TELO2: variants seen among roughly 807,000 people sequenced by gnomAD.
TELO2 encodes telomere maintenance 2.
TELO2 carries 71 observed loss-of-function variants against 91.0 expected under a neutral mutation model. The ratio of observed to expected loss-of-function variants is 0.78; its 90% CI spans 0.64 to 0.95. The LOEUF is 0.95. Among genes scored for constraint, TELO2 ranks in the 40% least tolerant of loss-of-function variants. The probability of loss-of-function intolerance (pLI) is 0.00; values close to 1 mark genes in which losing one functional copy is unlikely to be tolerated. For missense variants in TELO2, 1,183 were observed against 1,141.3 expected (o/e 1.04, Z -0.53); for synonymous variants, 584 against 518.9 (o/e 1.13, Z -1.71).
In TELO2 at chr16:1,507,608, C is replaced by G; in HGVS notation, c.2299C>G (p.Arg767Gly). Residue 767 changes from arginine to glycine, a missense_variant, in exon 20 of 21, where the codon CGC becomes GGC. By Grantham distance (125) the Arg-to-Gly change is moderately radical. Transcript: ENST00000262319. ...ALRFHIDAYVRQGLLSAVSSV... is the reference protein window; with the variant it reads ...ALRFHIDAYVGQGLLSAVSSV... ...CCGCCTTCTTGCCGGCAGCTACGTGCGCCAGGGGCTGTTGTCGGCCGTCTC... is the reference window on the plus strand; with the variant it reads ...CCGCCTTCTTGCCGGCAGCTACGTGGGCCAGGGGCTGTTGTCGGCCGTCTC... 6.3e-7 allele frequency: 1 copy of G among 1,589,858 alleles called. No homozygotes were observed. Among genetic ancestry groups the G allele is most frequent in the Non-Finnish European group, 8.5e-7 (1 of 1,175,360 alleles).
Position 1,509,907 on chromosome 16 carries a change from A to G in TELO2, c.2485A>G (p.Asn829Asp), listed in dbSNP as rs754114044. The stretch of plus-strand genomic sequence containing the variant: ...CCTGCTGCTTCTGCAGAGACTCAAG[A>G]ACAGGCTCCTCCCACCCGCGTCTCC... The part of the protein sequence containing the change: ...RALLLLQRLK[N>D]RLLPPASP The change falls in exon 21 of 21, where the codon AAC becomes GAC. Residue 829 changes from asparagine (N) to aspartate (D), a missense_variant. Coordinates refer to ENST00000262319, the MANE Select transcript of TELO2 (RefSeq NM_016111.4). 1 of 1,608,758 alleles carries G rather than the reference A, an allele frequency of 6.2e-7. No homozygotes were observed. The highest frequency in any genetic ancestry group is 1.1e-5 in the South Asian group (1 of 89,994).
intron 13 of TELO2, 42 bp from the exon 14 acceptor site, chr16:1,502,603 G>C: frequency 1.3e-6 from 2 of 1,594,198 alleles, no homozygotes; most frequent in South Asian, 1.1e-5. Flanking sequence ...TCGGCGGGCA[G>C]CTGGGTCCGA....
Position 1,497,017 on chromosome 16 carries a change from G to T in TELO2, c.614-19G>T, listed in dbSNP as rs770523912. ...GCCTTCCCGCCGGCTTCCTCATCAG[G>T]CCTCCCTTTCTGTCCCAGGTGGCCT... On this transcript the variant is annotated intron_variant, in intron 3 of 20. Coordinates refer to ENST00000262319, the MANE Select transcript of TELO2 (RefSeq NM_016111.4). This position sits in a 1 kb window ranked among gnomAD's most constrained non-coding sequence, Gnocchi z 4.0. The T allele has an allele frequency of 6.2e-7, 1 of 1,613,142 alleles. No individual in the cohort carries two copies. The highest frequency in any genetic ancestry group is 2.2e-5 in the East Asian group (1 of 44,868).
In TELO2 at chr16:1,497,546, T is replaced by C. The variant is rs1349026589; in HGVS notation, c.830+38T>C. ...GCTGTCCTCCAGCTGCACTGGCTTC[T>C]GGGGTCTGGACCCCCAGAGGCTGCC... On this transcript the variant is annotated intron_variant, in intron 5 of 20. Coordinates refer to ENST00000262319, the MANE Select transcript of TELO2 (RefSeq NM_016111.4). The surrounding 1 kb of genome is among the most constrained non-coding windows in gnomAD (Gnocchi z 4.0). 3 of 1,523,374 alleles carry C rather than the reference T, an allele frequency of 2.0e-6. No homozygotes were observed. The highest frequency in any genetic ancestry group is 2.6e-6 in the Non-Finnish European group (3 of 1,136,534). 94.4% of individuals were successfully genotyped at this position (1,523,374 alleles called of 1,614,324 possible). A position where few individuals can be genotyped will look rare whatever the true frequency, so the allele number is the denominator to read the frequency against.
rs1567296707 is a variant in TELO2 at position 1,499,341 on chromosome 16, CG to C, written c.933+9del. 6.9e-6 allele frequency: 11 copies of C among 1,593,254 alleles called. No homozygotes were observed. The highest frequency in any genetic ancestry group is 1.7e-5 in the Admixed American group (1 of 58,520). The stretch of plus-strand genomic sequence containing the variant: ...TTACAGTCCCGGCTCACGGTGAGGA[CG>C]CCACGGAGGGTGCAGGCTGCTGGCT... On this transcript the variant is annotated intron_variant, in intron 6 of 20. Coordinates refer to ENST00000262319, the MANE Select transcript of TELO2 (RefSeq NM_016111.4).
intron 3 of TELO2, among the ~76,000 whole-genome samples, chr16:1,496,559 C>A (rs1174037396): frequency 6.6e-6 from 1 of 152,218 alleles, no homozygotes; most frequent in East Asian, 1.9e-4. Context: ...CTGTGCTTTC[C>A]GCTGCCCCGC....
At chr16:1,498,360 G>A (rs935410639) in intron 5 of TELO2, among the ~76,000 whole-genome samples, 1 of 152,118 alleles carries the variant, frequency 6.6e-6, no homozygotes, top group African/African-American at 2.4e-5. Context: ...TGTGTTTAAG[G>A]CATTTGTATT....
At chr16:1,496,505 A>G (rs1025378089) in intron 3 of TELO2, among the ~76,000 whole-genome samples, 7 of 152,262 alleles carry the variant, frequency 4.6e-5, no homozygotes, top group African/African-American at 1.7e-4. Context: ...CGGCTTTTTC[A>G]CGTGTTCGGG....
At chr16:1,500,068 A>G (rs2039620303) in intron 6 of TELO2, 28 bp from the exon 7 acceptor site, 1 of 1,598,630 alleles carries the variant, frequency 6.3e-7, no homozygotes, top group East Asian at 2.2e-5. Flanking sequence ...GCCTCAGCCC[A>G]GTGGACAGGC....
rs2141066902 is a variant in TELO2 at position 1,506,432 on chromosome 16, G to C, written c.2126+103G>C. On this transcript the variant is annotated intron_variant, in intron 17 of 20. Coordinates refer to ENST00000262319, the MANE Select transcript of TELO2 (RefSeq NM_016111.4). ...CTGGGATCTGAGTGGGTTTGGGTGT[G>C]AACAGGGTCGTGCTTTGCTGTGGCT... 2.5e-6 allele frequency: 4 copies of C among 1,596,954 alleles called. No individual in the cohort carries two copies. The East Asian group carries it at 6.7e-5, about 27-fold the overall frequency.
Position 1,499,695 on chromosome 16 carries a change from C to T in TELO2, c.933+362C>T, listed in dbSNP as rs186891380. Among the ~76,000 whole-genome samples, 12 of 152,298 alleles carry T rather than the reference C, an allele frequency of 7.9e-5. No homozygotes were observed. The East Asian group carries it at 2.3e-3, about 29-fold the overall frequency. ...GACTCCCGTCCCCATGGCCTGGAGC[C>T]CGGAGGGGGTGAGCCAGGTCCCCTG... is the stretch of plus-strand genomic sequence containing the variant. On this transcript the variant is annotated intron_variant, in intron 6 of 20. Transcript: ENST00000262319.
Position 1,510,052 on chromosome 16 carries a change from T to C in TELO2, c.*116T>C. 1.2e-6 allele frequency: 1 copy of C among 853,806 alleles called. No homozygotes were observed. Among genetic ancestry groups the C allele is most frequent in the Non-Finnish European group, 1.8e-6 (1 of 548,292 alleles). 52.9% of individuals were successfully genotyped at this position (853,806 alleles called of 1,614,324 possible). A position where few individuals can be genotyped will look rare whatever the true frequency, so the allele number is the denominator to read the frequency against. ...AGGCCAGGTCTTCGGCCGCATCCGG[T>C]ACGGAGAGTGCAGATGCAGGAAGGC... On this transcript the variant is annotated 3_prime_UTR_variant, in exon 21 of 21. Transcript: ENST00000262319.
rs1388885184 is a variant in TELO2 at position 1,495,398 on chromosome 16, G to A, written c.388G>A (p.Glu130Lys). Residue 130 changes from glutamate (E) to lysine (K), a missense_variant, in exon 3 of 21, where the codon GAG becomes AAG. Glu to Lys is a moderately conservative substitution (Grantham distance 56, BLOSUM62 1). Coordinates refer to ENST00000262319, the MANE Select transcript of TELO2 (RefSeq NM_016111.4). The stretch of plus-strand genomic sequence containing the variant: ...GCGGCTGCTGGCCAGATTCCTGCGC[G>A]AGGGCCGGCTGGCAGTGCTGATGGA... ...MARLLARFLR[E>K]GRLAVLMEAQ... The A allele has an allele frequency of 3.2e-6, 5 of 1,581,908 alleles. No homozygotes were observed. Among genetic ancestry groups the A allele is most frequent in the Non-Finnish European group, 4.3e-6 (5 of 1,164,958 alleles).
At chr16:1,496,174 G>A (rs1020317319) in intron 3 of TELO2, among the ~76,000 whole-genome samples, 41 of 152,198 alleles carry the variant, frequency 2.7e-4, no homozygotes, top group Admixed American at 1.3e-4. Context: ...CAGCTCAGAC[G>A]CAGGTCGAGC....
intron 20 of TELO2, among the ~76,000 whole-genome samples, chr16:1,509,133 C>T (rs567370945): frequency 2.0e-5 from 3 of 152,292 alleles, no homozygotes; most frequent in Middle Eastern, 3.4e-3. Context: ...TCGGTACCTG[C>T]GACGTCATCA....
intron 9 of TELO2, 140 bp from the exon 10 acceptor site, chr16:1,501,280 C>CA: frequency 1.2e-6 from 1 of 855,202 alleles, no homozygotes; most frequent in South Asian, 1.7e-5. Flanking sequence ...TTTAAAAAGA[C>CA]ACCTGGCTAT....
At chr16:1,499,155 G>T (rs2039589925) in intron 5 of TELO2, 76 bp from the exon 6 acceptor site, 2 of 1,477,100 alleles carry the variant, frequency 1.4e-6, no homozygotes, top group Non-Finnish European at 1.9e-6. Flanking sequence ...CCGTCTGTGG[G>T]CATCGGAGTT....
In TELO2 at chr16:1,494,065, TC is replaced by T. The variant is rs1183498562; in HGVS notation, c.-36-179del. Among the ~76,000 whole-genome samples the T allele has an allele frequency of 4.0e-5, 6 of 151,398 alleles. No homozygotes were observed. In the East Asian group the frequency reaches 1.2e-3, roughly 30 times the overall value. ...CCTGCAGTGGCTGGTAGCGTTGGGG[TC>T]CGAGCGGAGGAGCGAACTCTGGGTG... On this transcript the variant is annotated intron_variant, in intron 1 of 20. Coordinates refer to ENST00000262319, the MANE Select transcript of TELO2 (RefSeq NM_016111.4). This position sits in a 1 kb window ranked among gnomAD's most constrained non-coding sequence, Gnocchi z 5.6.
In TELO2 at chr16:1,505,178, G is replaced by T; in HGVS notation, c.1843-232G>T. The T allele has an allele frequency of 1.8e-6, 1 of 551,862 alleles. No individual in the cohort carries two copies. The highest frequency in any genetic ancestry group is 3.2e-6 in the Non-Finnish European group (1 of 310,262). The allele number at this position is 551,862 out of a possible 1,614,324, so 34.2% of individuals were successfully genotyped here. On this transcript the variant is annotated intron_variant, in intron 15 of 20. Coordinates refer to ENST00000262319, the MANE Select transcript of TELO2 (RefSeq NM_016111.4). This position sits in a 1 kb window ranked among gnomAD's most constrained non-coding sequence, Gnocchi z 4.3. The stretch of plus-strand genomic sequence containing the variant: ...TTAGGATGAGGCTGCGCTCGGCCCT[G>T]GGCGTGTTCTCATCTCCTGGAGCAC...
Sources: allele counts gnomAD v4.1 joint callset (sites outside exome capture counted in the v4.1 genomes callset), GRCh38; gene constraint gnomAD v4.1.1; non-coding constraint Gnocchi (gnomAD v3.1); transcripts MANE v1.5; gene names NCBI Gene and HGNC (gene_info 2026-07-23, HGNC 2026-07-21).